MACF1: variants seen among roughly 807,000 people sequenced by gnomAD.
MACF1 encodes microtubule actin crosslinking factor 1.
MACF1 carries 193 observed loss-of-function variants against 854.8 expected under a neutral mutation model. The observed-to-expected ratio is 0.23, with a 90% CI of 0.20 to 0.25. MACF1 has a LOEUF of 0.25. Among genes scored for constraint, MACF1 ranks in the 10% least tolerant of loss-of-function variants. The probability of loss-of-function intolerance (pLI) is 1.00; values close to 1 mark genes in which losing one functional copy is unlikely to be tolerated. For synonymous variants in MACF1, 3,185 were observed against 3,226.7 expected, an observed-to-expected ratio of 0.99 and a Z score of 0.44; for missense variants, 7,722 against 8,929.1, an observed-to-expected ratio of 0.86 and a Z score of 5.45.
chr1:39,168,297 T>C (rs1016753136), intron 2 of MACF1, among the ~76,000 whole-genome samples: 4 of 152,244 alleles, frequency 2.6e-5, no homozygotes, highest in Admixed American at 2.0e-4. Flanking sequence ...GTTTAAAATA[T>C]TCTCTTCTTT....
intron 1 of MACF1, among the ~76,000 whole-genome samples, chr1:39,214,267 T>C (rs1391038411): frequency 1.3e-5 from 2 of 152,158 alleles, no homozygotes; most frequent in African/African-American, 2.4e-5. Flanking sequence ...GGCTGGACTT[T>C]TCTGTCCCCT....
chr1:39,349,618 T>G lies in MACF1; in HGVS notation c.10956T>G (p.Ser3652Arg), dbSNP rs767471472. The change falls in exon 42 of 101, where the codon AGT (serine) becomes AGG (arginine). Residue 3652 changes from serine to arginine, a missense_variant. By Grantham distance (110) the Ser-to-Arg change is moderately radical (BLOSUM62 -1). This residue lies in a region of MACF1 where 2,807 missense variants were observed against 3,235.8 expected (regional missense o/e 0.87). Transcript: ENST00000564288. ...QDLSALQKNQ[S>R]DLKDLQDDIQ... ...TCTCTGCTTTGCAGAAGAACCAAAG[T>G]GACTTGAAGGTCAGTGTGAATCTGT... The G allele has an allele frequency of 1.9e-6, 3 of 1,613,854 alleles. No individual in the cohort carries two copies. Among genetic ancestry groups the G allele is most frequent in the Non-Finnish European group, 2.5e-6 (3 of 1,179,936 alleles).
Position 39,331,205 on chromosome 1 carries a change from A to G in MACF1, c.4617A>G (p.Glu1539=). ...SQLAHQTEQK[E]CRAVAGVIDL... ...TTTTTTTTTTTTTTTTTTTTTAGGA[A>G]TGCAGAGCAGTTGCTGGGGTGATTG... The change falls in exon 37 of 101, where the codon GAA becomes GAG. Residue 1539 remains glutamate (E), a splice_region_variant and synonymous_variant. Transcript: ENST00000564288. 1.6e-6 allele frequency: 2 copies of G among 1,269,810 alleles called. No individual in the cohort carries two copies. Among genetic ancestry groups the G allele is most frequent in the Admixed American group, 3.2e-5 (1 of 31,418 alleles). The allele number at this position is 1,269,810 out of a possible 1,614,324, so 78.7% of individuals were successfully genotyped here.
Position 39,347,007 on chromosome 1 carries a change from G to A in MACF1, c.10612G>A (p.Ala3538Thr). The change falls in exon 41 of 101, where the codon GCT (alanine) becomes ACT (threonine). Residue 3538 changes from alanine to threonine, a missense_variant. Transcript: ENST00000564288. ...DLKQPMAERK[A>T]QLDALAFDIQ... ...GAAACAGCCCATGGCTGAAAGGAAA[G>A]CTCAGCTGGATGCTCTTGCTTTTGA... 1 of 1,613,480 alleles carries A rather than the reference G, an allele frequency of 6.2e-7. No individual in the cohort carries two copies. Among genetic ancestry groups the A allele is most frequent in the Non-Finnish European group, 8.5e-7 (1 of 1,179,750 alleles).
intron 44 of MACF1, among the ~76,000 whole-genome samples, chr1:39,357,047 A>G (rs1318247822): frequency 6.6e-6 from 1 of 152,220 alleles, no homozygotes; most frequent in Non-Finnish European, 1.5e-5. Context: ...AAAGTGATCT[A>G]TTGAGTAGAG....
intron 2 of MACF1, among the ~76,000 whole-genome samples, chr1:39,138,115 G>A (rs1272600188): frequency 6.8e-6 from 1 of 146,990 alleles, no homozygotes; most frequent in African/African-American, 2.5e-5. Context: ...AGTATTGGAA[G>A]CTTTAATTTC....
chr1:39,289,776 C>T lies in MACF1; in HGVS notation c.1786-2134C>T, dbSNP rs368638854. On this transcript the variant is annotated intron_variant, in intron 15 of 100. Transcript: ENST00000564288. ...AGGCTGGAGTGCAATGGCGCAATCT[C>T]GGCTCACTGCAACCTTTGGATTCTA... Among the ~76,000 whole-genome samples the T allele has an allele frequency of 2.2e-4, 28 of 126,188 alleles. No individual in the cohort carries two copies. The South Asian group carries it at 5.0e-3, about 23-fold the overall frequency. The allele number at this position is 126,188 out of a possible 152,430, so 82.8% of individuals were successfully genotyped here. A position where few individuals can be genotyped will look rare whatever the true frequency, so the allele number is the denominator to read the frequency against.
intron 4 of MACF1, 54 bp from the exon 5 acceptor site, chr1:39,254,244 G>A: frequency 7.0e-7 from 1 of 1,418,762 alleles, no homozygotes; most frequent in Admixed American, 1.7e-5. Flanking sequence ...GAAAGGGTCT[G>A]TATGGTTAAA....
chr1:39,370,712 G>GAAAAGCGTTTGATTGCTTTCACAGAGT (rs1449782183), intron 51 of MACF1, among the ~76,000 whole-genome samples: 1 of 152,214 alleles, frequency 6.6e-6, no homozygotes, highest in African/African-American at 2.4e-5. Context: ...GCAGATGAAA[G>GAAAAGCGTTTGATTGCTTTCACAGAGT]AAAAGCGTTT....
intron 2 of MACF1, among the ~76,000 whole-genome samples, chr1:39,156,198 G>A (rs1004646942): frequency 1.5e-4 from 23 of 151,512 alleles, no homozygotes; most frequent in African/African-American, 5.1e-4. Context: ...TAGTAGAGAT[G>A]GGGTTTCACC....
rs751085512 is a variant in MACF1 at position 39,390,522 on chromosome 1, G to A, written c.15816+1864G>A. 2.2e-4 allele frequency among the ~76,000 whole-genome samples: 33 copies of A among 152,202 alleles called. 1 individual carries two copies. The highest frequency in any genetic ancestry group is 2.1e-4 in the South Asian group (1 of 4,836). On this transcript the variant is annotated intron_variant, in intron 58 of 100. Coordinates refer to ENST00000564288, the MANE Select transcript of MACF1 (RefSeq NM_001394062.1). ...GAGCAAGAGGAGTCATCGTATTTGGGTTTCTTGAGGCACCCAGATAAGGAA... is the reference window on the plus strand; with the variant it reads ...GAGCAAGAGGAGTCATCGTATTTGGATTTCTTGAGGCACCCAGATAAGGAA...
intron 49 of MACF1, among the ~76,000 whole-genome samples, chr1:39,364,693 CGTGTTAG>C (rs1648530247): frequency 1.3e-5 from 2 of 151,908 alleles, no homozygotes; most frequent in Admixed American, 1.3e-4. Context: ...GGGGTTTCAC[CGTGTTAG>C]CCAGGATGGT....
intron 28 of MACF1, 106 bp from the exon 29 acceptor site, chr1:39,317,108 T>C: frequency 8.8e-7 from 1 of 1,141,140 alleles, no homozygotes; most frequent in Non-Finnish European, 1.2e-6. Context: ...CAATCACATA[T>C]ACAATGTGGA....
rs752849296 is a variant in MACF1, at chr1:39,387,262, C to T, written c.14420C>T (p.Thr4807Ile). Residue 4807 changes from threonine (T) to isoleucine (I), a missense_variant, in exon 58 of 101, where the codon ACC (threonine) becomes ATC (isoleucine). Physicochemically the swap from Thr to Ile is moderately conservative, Grantham distance 89 (BLOSUM62 -1). Transcript: ENST00000564288. ...QFQQMFDELR[T>I]WLDDKQSQQA... ...CAGCAAATGTTTGATGAGTTGAGGA[C>T]CTGGTTGGATGATAAACAAAGCCAG... 4 of 1,614,202 alleles carry T rather than the reference C, an allele frequency of 2.5e-6. No individual in the cohort carries two copies. Among genetic ancestry groups the T allele is most frequent in the Non-Finnish European group, 2.5e-6 (3 of 1,180,038 alleles).
chr1:39,466,647 C>A (rs1441097385), intron 95 of MACF1, among the ~76,000 whole-genome samples: 1 of 152,180 alleles, frequency 6.6e-6, no homozygotes, highest in Non-Finnish European at 1.5e-5. Context: ...TCTCTCAGAA[C>A]CTCCCACAGG....
At chr1:39,461,479 A>C (rs1486459892) in intron 92 of MACF1, among the ~76,000 whole-genome samples, 2 of 152,118 alleles carry the variant, frequency 1.3e-5, no homozygotes, top group African/African-American at 4.8e-5. Flanking sequence ...TCAAGACATA[A>C]ATTTTTTTGC....
rs764457602 is a variant in MACF1, at chr1:39,285,366, A to G, written c.1329A>G (p.Thr443=). 2.5e-6 allele frequency: 4 copies of G among 1,614,026 alleles called. No homozygotes were observed. In the South Asian group the frequency reaches 4.4e-5, roughly 18 times the overall value. The change falls in exon 13 of 101, where the codon ACA becomes ACG. Residue 443 remains threonine, a synonymous_variant. Transcript: ENST00000564288. ...CTTTGAACTGTGAAGAAAAACTGAC[A>G]CTAGCTAAGAATACACTGCAGGCTG... ...NGALNCEEKL[T]LAKNTLQADA...
Position 39,385,681 on chromosome 1 carries a change from T to G in MACF1, c.14096T>G (p.Val4699Gly). The change falls in exon 57 of 101, where the codon GTG (valine) becomes GGG (glycine). Residue 4699 changes from valine (V) to glycine (G), a missense_variant. Val to Gly is a moderately radical substitution (Grantham distance 109). Around this residue, in one of 15 missense-constraint regions of MACF1, gnomAD observed 2,807 missense variants for 3,235.8 expected, o/e 0.87. Coordinates refer to ENST00000564288, the MANE Select transcript of MACF1 (RefSeq NM_001394062.1). ...QELLQDLSEK[V>G]RAVGQRLSVQ... is the part of the protein sequence containing the mutation. ...CTGCTCCAGGACTTATCAGAGAAGG[T>G]GAGGGCAGTTGGACAACGGCTGAGT... 6.2e-7 allele frequency: 1 copy of G among 1,614,118 alleles called. No homozygotes were observed. Among genetic ancestry groups the G allele is most frequent in the South Asian group, 1.1e-5 (1 of 91,080 alleles).
intron 87 of MACF1, among the ~76,000 whole-genome samples, chr1:39,453,250 A>G (rs1644372168): frequency 6.6e-6 from 1 of 151,932 alleles, no homozygotes; most frequent in Admixed American, 6.6e-5. Flanking sequence ...TCCCTTTTTA[A>G]ATTTTTATGT....
Sources: allele counts gnomAD v4.1 joint callset (sites outside exome capture counted in the v4.1 genomes callset), GRCh38; gene constraint gnomAD v4.1.1; regional missense constraint gnomAD v4.1.1; transcripts MANE v1.5; gene names NCBI Gene and HGNC (gene_info 2026-07-23, HGNC 2026-07-21).